The following ESR2 variants were observed in gnomAD, a reference collection of about 807,000 sequenced individuals.
The protein encoded by ESR2 is estrogen receptor 2.
ESR2 carries 36 observed loss-of-function variants against 49.6 expected under a neutral mutation model. That is an observed-to-expected ratio of 0.73 (90% CI 0.56 to 0.96). The LOEUF (loss-of-function observed/expected upper bound fraction) is 0.96, where lower values mean the gene tolerates loss of function less well. Ranked by LOEUF, ESR2 falls within the 40% of genes least tolerant of loss-of-function variation. The pLI is 0.00. For missense variants in ESR2, 714 were observed against 693.0 expected (o/e 1.03, Z -0.34); for synonymous variants, 320 against 266.1 (o/e 1.20, Z -1.97).
chr14:64,237,474 T>A (rs1212600369), intron 7 of ESR2, among the ~76,000 whole-genome samples: 1 of 152,238 alleles, frequency 6.6e-6, no homozygotes, highest in African/African-American at 2.4e-5. Flanking sequence ...CTCCATGGAC[T>A]TCCGCTGCCA....
intron 6 of ESR2, among the ~76,000 whole-genome samples, chr14:64,252,764 C>T (rs1411317620): frequency 6.6e-6 from 1 of 152,206 alleles, no homozygotes; most frequent in Non-Finnish European, 1.5e-5. Flanking sequence ...CAATCACTCC[C>T]ACCAGATCCC....
At chr14:64,276,067 C>A (rs1179061901) in intron 3 of ESR2, among the ~76,000 whole-genome samples, 1 of 152,010 alleles carries the variant, frequency 6.6e-6, no homozygotes, top group Non-Finnish European at 1.5e-5. Flanking sequence ...TATTAAATAA[C>A]AAAATATGCG....
rs566459940 is a variant in ESR2, at chr14:64,230,441, T to C, written c.*2696A>G. Among the ~76,000 whole-genome samples the C allele has an allele frequency of 1.3e-5, 2 of 152,242 alleles. No homozygotes were observed. The highest frequency in any genetic ancestry group is 2.4e-5 in the African/African-American group (1 of 41,540). ...TTGGTAACTGATTTTTCTTCCTTAC[T>C]GAAATCTAAGATAGTTGCCCTTCCA... is the stretch of plus-strand genomic sequence containing the variant. On this transcript the variant is annotated 3_prime_UTR_variant, in exon 9 of 9. Transcript: ENST00000341099.
At chr14:64,281,274 T>C (rs902347580) in intron 2 of ESR2, among the ~76,000 whole-genome samples, 1 of 152,138 alleles carries the variant, frequency 6.6e-6, no homozygotes, top group African/African-American at 2.4e-5. Context: ...AAAACACATC[T>C]GGCTAGTTCC....
intron 7 of ESR2, among the ~76,000 whole-genome samples, chr14:64,240,673 A>G (rs530352079): frequency 4.1e-4 from 62 of 152,354 alleles, no homozygotes; most frequent in African/African-American, 1.4e-3. Flanking sequence ...TTTTGCATTC[A>G]GTAGAAACTG....
chr14:64,312,105 G>C (rs1228374725), intron 1 of ESR2, among the ~76,000 whole-genome samples: 1 of 152,046 alleles, frequency 6.6e-6, no homozygotes, highest in Non-Finnish European at 1.5e-5. Flanking sequence ...GAAGCTAAGA[G>C]TTCTATACTT....
chr14:64,325,620 G>A (rs569657113), intron 1 of ESR2, among the ~76,000 whole-genome samples: 6 of 152,158 alleles, frequency 3.9e-5, no homozygotes, highest in Non-Finnish European at 8.8e-5. Flanking sequence ...CTTGAAGACC[G>A]ATTTGAATTG....
chr14:64,248,768 C>T (rs530576109), intron 7 of ESR2, among the ~76,000 whole-genome samples: 18 of 152,256 alleles, frequency 1.2e-4, no homozygotes, highest in East Asian at 7.7e-4. Flanking sequence ...CCTGACCTCA[C>T]GCCATAATGT....
chr14:64,334,741 G>A (rs1596505968), intron 1 of ESR2, among the ~76,000 whole-genome samples: 1 of 152,214 alleles, frequency 6.6e-6, no homozygotes, highest in South Asian at 2.1e-4. Context: ...CTGCCTCCTG[G>A]GTTCAAGTGA....
chr14:64,298,615 C>G (rs1017618105), upstream of ESR2: 1 of 152,162 alleles, frequency 6.6e-6, no homozygotes, highest in Non-Finnish European at 1.5e-5. Flanking sequence ...AGCAGCAAGA[C>G]AGACCCAACC....
rs2076120010 is a variant in ESR2 at position 64,257,242 on chromosome 14, C to A, written c.1075G>T (p.Asp359Tyr). Residue 359 changes from aspartate (D) to tyrosine (Y), a missense_variant, in exon 6 of 9, where the codon GAT becomes TAT. Asp to Tyr is a radical substitution (Grantham distance 160, BLOSUM62 -3). Coordinates refer to ENST00000341099, the MANE Select transcript of ESR2 (RefSeq NM_001437.3). ...TTTTCTCACCTGTCCAGAACAAGAT[C>A]TGGAGCAAAGATGAGCTTGCCGGGG... is the stretch of plus-strand genomic sequence containing the variant. ...DHPGKLIFAP[D>Y]LVLDRDEGKC... 6 of 1,614,202 alleles carry A rather than the reference C, an allele frequency of 3.7e-6. No individual in the cohort carries two copies. Among genetic ancestry groups the A allele is most frequent in the Non-Finnish European group, 5.1e-6 (6 of 1,180,028 alleles).
intron 6 of ESR2, among the ~76,000 whole-genome samples, chr14:64,251,046 G>A (rs1373883470): frequency 1.3e-5 from 2 of 152,120 alleles, no homozygotes; most frequent in African/African-American, 4.8e-5. Context: ...CATAGGAAAA[G>A]GCCGTCTTAG....
At chr14:64,273,628 C>T (rs1349960200) in intron 3 of ESR2, among the ~76,000 whole-genome samples, 1 of 152,142 alleles carries the variant, frequency 6.6e-6, no homozygotes, top group Non-Finnish European at 1.5e-5. Flanking sequence ...TTGAACCATC[C>T]TTGCATCCCT....
chr14:64,250,508 TC>T (rs1366803037), intron 6 of ESR2, among the ~76,000 whole-genome samples: 1 of 152,066 alleles, frequency 6.6e-6, no homozygotes, highest in Non-Finnish European at 1.5e-5. Context: ...ACCTCACTGC[TC>T]CCCCAAAACA....
chr14:64,317,803 C>A (rs1487753505), intron 1 of ESR2, among the ~76,000 whole-genome samples: 1 of 152,066 alleles, frequency 6.6e-6, no homozygotes, highest in Non-Finnish European at 1.5e-5. Flanking sequence ...CAAAATTCAA[C>A]ACCACTCATA....
chr14:64,323,294 GC>G (rs2077346890), intron 1 of ESR2, among the ~76,000 whole-genome samples: 1 of 151,870 alleles, frequency 6.6e-6, no homozygotes, highest in Admixed American at 6.6e-5. Flanking sequence ...TGCAACCTCT[GC>G]CTCCCAGTTT....
At position 64,335,973 on chromosome 14, in the gene ESR2, T is replaced by TTGTGTGTG. The variant is rs55721717; in HGVS notation, c.-91+1917_-91+1924dup. The TTGTGTGTG allele has an allele frequency of 8.9e-4, 112 of 125,720 alleles. 1 individual carries two copies. The highest frequency in any genetic ancestry group is 3.9e-3 in the Middle Eastern group (1 of 254). 7.8% of individuals were successfully genotyped at this position (125,720 alleles called of 1,614,324 possible). A position where few individuals can be genotyped will look rare whatever the true frequency, so the allele number is the denominator to read the frequency against. Reference sequence around the variant, plus strand: ...GCGTCCGCCACCACGCCCAGCTAATTTGTGTGTGTGTGTGTGTGTGTGTGT... The same window carrying TTGTGTGTG: ...GCGTCCGCCACCACGCCCAGCTAATTTGTGTGTGTGTGTGTGTGTGTGTGTGTGTGTGT... On this transcript the variant is annotated intron_variant, in intron 1 of 8. Coordinates refer to the ESR2 transcript ENST00000358599.
rs1386800042 is a variant in ESR2 at position 64,260,699 on chromosome 14, A to G, written c.702T>C (p.Ser234=). The G allele has an allele frequency of 6.4e-7, 1 of 1,560,436 alleles. No homozygotes were observed. The highest frequency in any genetic ancestry group is 1.9e-5 in the Admixed American group (1 of 53,136). ...CGGCACAGTGCAGCTGCTCGTCGGC[A>G]CTTCTCTGTCTCCGCACAAGGCGGT... The part of the protein sequence containing the change: ...CGYRLVRRQR[S]ADEQLHCAGK... The change falls in exon 5 of 9, where the codon AGT becomes AGC. Residue 234 remains serine, a synonymous_variant. Coordinates refer to ENST00000341099, the MANE Select transcript of ESR2 (RefSeq NM_001437.3).
chr14:64,305,514 CA>C (rs1270383147), intron 1 of ESR2, among the ~76,000 whole-genome samples: 5 of 151,200 alleles, frequency 3.3e-5, no homozygotes, highest in East Asian at 2.0e-4. Context: ...ACTAAAAATA[CA>C]AAAAAATTAG....
Sources: gnomAD v4.1 joint callset for allele counts (sites outside exome capture counted in the v4.1 genomes callset) on GRCh38, gnomAD v4.1.1 for gene constraint, MANE v1.5 for transcripts, NCBI Gene and HGNC (gene_info 2026-07-23, HGNC 2026-07-21) for gene names.